EEFSEC: variants seen among roughly 807,000 people sequenced by gnomAD.
EEFSEC encodes selenocysteine-specific elongation factor.
A neutral mutation model predicts 42.1 loss-of-function variants in EEFSEC; 43 were observed. The ratio of observed to expected loss-of-function variants is 1.02; its 90% CI spans 0.80 to 1.32. EEFSEC has a LOEUF of 1.32. EEFSEC is among the 40% of genes most tolerant of loss of function. EEFSEC has a pLI of 0.00. For synonymous variants in EEFSEC, 354 were observed against 339.1 expected (o/e 1.04, Z -0.48); for missense variants, 745 against 803.6 (o/e 0.93, Z 0.88).
At chr3:128,367,451 C>T (rs1181329245) in intron 6 of EEFSEC, among the ~76,000 whole-genome samples, 1 of 152,174 alleles carries the variant, frequency 6.6e-6, no homozygotes, top group African/African-American at 2.4e-5. Flanking sequence ...TCTCAGTGCC[C>T]CTGGAGGTGA....
chr3:128,422,604 T>C, the EEFSEC span, among the ~76,000 whole-genome samples: 1 of 152,210 alleles, frequency 6.6e-6, no homozygotes, highest in Non-Finnish European at 1.5e-5. Context: ...CTGCTCTCCG[T>C]GGCTGGCCCT....
intron 1 of EEFSEC, among the ~76,000 whole-genome samples, chr3:128,218,558 C>G (rs540378451): frequency 3.3e-5 from 5 of 152,316 alleles, no homozygotes; most frequent in Admixed American, 2.6e-4. Flanking sequence ...TGTGTCCATT[C>G]AGACATTCCT....
intron 4 of EEFSEC, among the ~76,000 whole-genome samples, chr3:128,283,720 C>A (rs1335406688): frequency 2.6e-5 from 4 of 152,176 alleles, no homozygotes; most frequent in Non-Finnish European, 2.9e-5. Flanking sequence ...GCAGTCCACA[C>A]CTTGGCAGAA....
chr3:128,243,191 C>T (rs1033574332), intron 1 of EEFSEC, among the ~76,000 whole-genome samples: 2 of 152,192 alleles, frequency 1.3e-5, no homozygotes, highest in African/African-American at 4.8e-5. Flanking sequence ...GTGCTGGCTG[C>T]GCTGCACGGG....
chr3:128,286,063 G>A (rs747626275), intron 4 of EEFSEC, among the ~76,000 whole-genome samples: 1 of 152,220 alleles, frequency 6.6e-6, no homozygotes, highest in Admixed American at 6.5e-5. Flanking sequence ...AAATGGTGAC[G>A]CTCTGTGTGT....
chr3:128,287,320 G>C (rs868278060), intron 4 of EEFSEC, among the ~76,000 whole-genome samples: 5 of 152,142 alleles, frequency 3.3e-5, no homozygotes, highest in African/African-American at 1.2e-4. Flanking sequence ...GTGCAGCCAT[G>C]GGGGGAGGAA....
At chr3:128,306,873 T>C (rs756397427) in intron 4 of EEFSEC, among the ~76,000 whole-genome samples, 1 of 152,266 alleles carries the variant, frequency 6.6e-6, no homozygotes, top group Non-Finnish European at 1.5e-5. Context: ...TCCAAGGCTT[T>C]CTAAATTCTA....
At chr3:128,261,440 C>G (rs1040442931) in intron 2 of EEFSEC, among the ~76,000 whole-genome samples, 1 of 151,796 alleles carries the variant, frequency 6.6e-6, no homozygotes, top group African/African-American at 2.4e-5. Flanking sequence ...CGTATACATA[C>G]TATAACCAAA....
chr3:128,315,375 A>T (rs1415065179), intron 4 of EEFSEC, among the ~76,000 whole-genome samples: 1 of 152,216 alleles, frequency 6.6e-6, no homozygotes, highest in African/African-American at 2.4e-5. Context: ...CTTTGAATTG[A>T]TGACCACAGT....
At chr3:128,398,189 G>A (rs1483250183) in intron 6 of EEFSEC, among the ~76,000 whole-genome samples, 1 of 152,230 alleles carries the variant, frequency 6.6e-6, no homozygotes, top group Non-Finnish European at 1.5e-5. Context: ...CTGTACTCAG[G>A]GCAGAGTGTG....
chr3:128,196,359 G>A (rs1218148647), intron 1 of EEFSEC, among the ~76,000 whole-genome samples: 3 of 152,186 alleles, frequency 2.0e-5, no homozygotes, highest in Non-Finnish European at 2.9e-5. Context: ...ACAAAAGTGA[G>A]TTGTTGTGCG....
chr3:128,153,668 C>A lies in EEFSEC; in HGVS notation c.161C>A (p.Ser54Ter). The A allele has an allele frequency of 6.3e-7, 1 of 1,597,400 alleles. No individual in the cohort carries two copies. The highest frequency in any genetic ancestry group is 8.5e-7 in the Non-Finnish European group (1 of 1,178,090). Reference protein sequence around the residue: ...ERGITLDLGFSCFSVPLPARL... With the variant: ...ERGITLDLGF ...GGCATCACGCTCGATCTGGGCTTCT[C>A]GTGCTTCTCGGTGCCGCTGCCCGCG... Residue 54 changes from serine to a stop codon, truncating the protein, a stop_gained, in exon 1 of 7, where the codon TCG (serine) becomes TAG (stop). Coordinates refer to ENST00000254730, the MANE Select transcript of EEFSEC (RefSeq NM_021937.5). LOFTEE classifies it high-confidence loss of function.
chr3:128,159,868 G>A (rs750019998), intron 1 of EEFSEC, among the ~76,000 whole-genome samples: 1 of 152,070 alleles, frequency 6.6e-6, no homozygotes, highest in Non-Finnish European at 1.5e-5. Context: ...CTGTTTCATT[G>A]CCCCAGCAGC....
chr3:128,349,713 G>A (rs1289246817), intron 5 of EEFSEC, among the ~76,000 whole-genome samples: 1 of 152,218 alleles, frequency 6.6e-6, no homozygotes, highest in Non-Finnish European at 1.5e-5. Flanking sequence ...AGGGGGTCCT[G>A]CCAGCTCTTA....
chr3:128,255,237 G>T (rs528081763), intron 2 of EEFSEC, among the ~76,000 whole-genome samples: 1 of 152,112 alleles, frequency 6.6e-6, no homozygotes, highest in Non-Finnish European at 1.5e-5. Flanking sequence ...TGCAGTGGGC[G>T]CATGAGTGAT....
chr3:128,290,583 T>A (rs1279592045), intron 4 of EEFSEC, among the ~76,000 whole-genome samples: 4 of 151,986 alleles, frequency 2.6e-5, no homozygotes, highest in African/African-American at 9.7e-5. Context: ...TTTTTTTTTT[T>A]AAGTATTGGA....
intron 3 of EEFSEC, among the ~76,000 whole-genome samples, chr3:128,262,846 A>G (rs1272088625): frequency 6.6e-6 from 1 of 152,188 alleles, no homozygotes; most frequent in African/African-American, 2.4e-5. Flanking sequence ...TAAGGAAGGT[A>G]GCAGTGAGAA....
chr3:128,232,743 C>A (rs946453766), intron 1 of EEFSEC, among the ~76,000 whole-genome samples: 1 of 152,160 alleles, frequency 6.6e-6, no homozygotes, highest in Non-Finnish European at 1.5e-5. Context: ...GCAAAGTCAG[C>A]TAAAAAGATT....
intron 1 of EEFSEC, among the ~76,000 whole-genome samples, chr3:128,235,941 G>GGTTGGTTGGTTT (rs71153124): frequency 1.1e-4 from 17 of 149,082 alleles, no homozygotes; most frequent in African/African-American, 1.5e-4. Context: ...GATGGGCAAA[G>GGTTGGTTGGTTT]GTTTGTTTGT....
Sources: gnomAD v4.1 joint callset for allele counts (sites outside exome capture counted in the v4.1 genomes callset) on GRCh38, gnomAD v4.1.1 for gene constraint, MANE v1.5 for transcripts, NCBI Gene and HGNC (gene_info 2026-07-23, HGNC 2026-07-21) for gene names.